SUGCT: variants seen among roughly 807,000 people sequenced by gnomAD.
SUGCT encodes succinyl-CoA:glutarate-CoA transferase.
A neutral mutation model predicts 55.0 loss-of-function variants in SUGCT; 41 were observed. The ratio of observed to expected loss-of-function variants is 0.74; its 90% CI spans 0.58 to 0.97. The LOEUF is 0.97. Among genes scored for constraint, SUGCT ranks in the 50% least tolerant of loss-of-function variants. The pLI is 0.00. For missense variants in SUGCT, 568 were observed against 547.8 expected (o/e 1.04, Z -0.37); for synonymous variants, 187 against 200.4 (o/e 0.93, Z 0.56).
At chr7:40,457,899 A>C (rs1789576658) in intron 10 of SUGCT, among the ~76,000 whole-genome samples, 1 of 152,202 alleles carries the variant, frequency 6.6e-6, no homozygotes, top group Non-Finnish European at 1.5e-5. Context: ...GAGGGTGTCT[A>C]ACTGCTAGAC....
intron 13 of SUGCT, among the ~76,000 whole-genome samples, chr7:40,824,361 T>C (rs1792199009): frequency 6.6e-6 from 1 of 152,050 alleles, no homozygotes; most frequent in Non-Finnish European, 1.5e-5. Context: ...TAAATGGGTA[T>C]GTGTGTGTGT....
intron 6 of SUGCT, among the ~76,000 whole-genome samples, chr7:40,230,257 C>A (rs1156708499): frequency 6.6e-6 from 1 of 151,868 alleles, no homozygotes; most frequent in African/African-American, 2.4e-5. Context: ...GTATAGAGGC[C>A]CAGAGGAATT....
chr7:40,898,697 TA>T, the SUGCT span, among the ~76,000 whole-genome samples: 272 of 144,030 alleles, frequency 1.9e-3, no homozygotes, highest in Non-Finnish European at 1.9e-3. Flanking sequence ...AGACTCCGTC[TA>T]AAAAAAAAAA....
intron 7 of SUGCT, among the ~76,000 whole-genome samples, chr7:40,264,252 C>G (rs1174823928): frequency 1.3e-5 from 2 of 152,018 alleles, no homozygotes; most frequent in Non-Finnish European, 2.9e-5. Context: ...CTGGAGGACT[C>G]CATAGTGTTA....
the SUGCT span, among the ~76,000 whole-genome samples, chr7:40,916,645 T>C: frequency 2.0e-5 from 3 of 152,230 alleles, no homozygotes; most frequent in African/African-American, 7.2e-5. Context: ...TTAATTACAT[T>C]CTACTATCTG....
intron 12 of SUGCT, among the ~76,000 whole-genome samples, chr7:40,741,220 C>A (rs756315712): frequency 1.3e-5 from 2 of 150,888 alleles, no homozygotes; most frequent in Non-Finnish European, 2.9e-5. Flanking sequence ...TTCAGTGAGC[C>A]GAGATCACGC....
At chr7:40,926,029 G>A in the SUGCT span, among the ~76,000 whole-genome samples, 1 of 151,812 alleles carries the variant, frequency 6.6e-6, no homozygotes, top group Non-Finnish European at 1.5e-5. Flanking sequence ...GGAGTTTGAG[G>A]TTGCAGTGAA....
chr7:40,739,435 T>C (rs1024468769), intron 12 of SUGCT, among the ~76,000 whole-genome samples: 16 of 152,236 alleles, frequency 1.1e-4, no homozygotes, highest in Admixed American at 2.0e-4. Flanking sequence ...GTTTGTTCCT[T>C]TTCATTGCTA....
At chr7:40,425,236 G>A (rs1787527733) in intron 9 of SUGCT, among the ~76,000 whole-genome samples, 1 of 152,056 alleles carries the variant, frequency 6.6e-6, no homozygotes, top group Admixed American at 6.6e-5. Context: ...CATTTTAAAT[G>A]TCTCTAAGTG....
At chr7:40,264,326 A>G (rs1486697170) in intron 7 of SUGCT, among the ~76,000 whole-genome samples, 1 of 152,196 alleles carries the variant, frequency 6.6e-6, no homozygotes. Flanking sequence ...GAAGGAGTGG[A>G]GTTCAGTGTT....
chr7:40,543,109 CT>C lies in SUGCT; in HGVS notation c.1089+46724del, dbSNP rs538059146. On this transcript the variant is annotated intron_variant, in intron 12 of 13. Transcript: ENST00000335693. ...CATGTGAACTAATGTTTCAATACGT[CT>C]GTTTTTAATTTATGCCTTCCTTTTT... Among the ~76,000 whole-genome samples the C allele has an allele frequency of 3.3e-5, 5 of 152,268 alleles. No individual in the cohort carries two copies. The South Asian group carries it at 1.0e-3, about 32-fold the overall frequency.
At chr7:40,637,897 C>CATTA (rs1375158273) in intron 12 of SUGCT, among the ~76,000 whole-genome samples, 2 of 152,174 alleles carry the variant, frequency 1.3e-5, no homozygotes, top group African/African-American at 4.8e-5. Flanking sequence ...GCTTTGGGCT[C>CATTA]AGTAACACAG....
chr7:40,905,113 CAT>C, the SUGCT span, among the ~76,000 whole-genome samples: 1 of 152,106 alleles, frequency 6.6e-6, no homozygotes, highest in Middle Eastern at 3.2e-3. Flanking sequence ...TGGAATCACT[CAT>C]AGTTGTTTGA....
At chr7:40,375,518 T>A (rs1239847773) in intron 9 of SUGCT, among the ~76,000 whole-genome samples, 1 of 152,210 alleles carries the variant, frequency 6.6e-6, no homozygotes, top group East Asian at 1.9e-4. Flanking sequence ...GCACATGCTT[T>A]ATTTCCTTCA....
chr7:40,229,237 C>T (rs976560474), intron 6 of SUGCT, among the ~76,000 whole-genome samples: 6 of 152,044 alleles, frequency 3.9e-5, no homozygotes, highest in Admixed American at 6.6e-5. Flanking sequence ...AAAGAATATG[C>T]GCTGGGTGCG....
intron 8 of SUGCT, among the ~76,000 whole-genome samples, chr7:40,284,388 A>G (rs1401666803): frequency 2.0e-5 from 3 of 152,066 alleles, no homozygotes; most frequent in Admixed American, 6.6e-5. Flanking sequence ...CAGATGGATC[A>G]CTTGAGGTCA....
chr7:40,265,910 C>T (rs1049419642), intron 7 of SUGCT, among the ~76,000 whole-genome samples: 1 of 151,962 alleles, frequency 6.6e-6, no homozygotes, highest in African/African-American at 2.4e-5. Context: ...GAGATCACGC[C>T]CCTGCACTGC....
intron 12 of SUGCT, among the ~76,000 whole-genome samples, chr7:40,720,924 G>C (rs1416069691): frequency 6.6e-6 from 1 of 152,172 alleles, no homozygotes; most frequent in Non-Finnish European, 1.5e-5. Context: ...ACCTGGATTT[G>C]TAAGAGTCAG....
At chr7:40,459,036 A>G (rs1789640897) in intron 10 of SUGCT, 65 bp from the exon 11 acceptor site, 3 of 1,004,568 alleles carry the variant, frequency 3.0e-6, no homozygotes, top group South Asian at 2.7e-5. Flanking sequence ...CCTGAACACT[A>G]GCACCCACAG....
Sources: allele counts gnomAD v4.1 joint callset (sites outside exome capture counted in the v4.1 genomes callset), GRCh38; gene constraint gnomAD v4.1.1; transcripts MANE v1.5; gene names NCBI Gene and HGNC (gene_info 2026-07-23, HGNC 2026-07-21).